Variants in DLGAP1 observed in about 807,000 individuals in gnomAD.
DLGAP1 encodes the protein disks large-associated protein 1.
Under a neutral mutation model 90.8 loss-of-function variants are expected in DLGAP1, and 11 were observed. The ratio of observed to expected loss-of-function variants is 0.12; its 90% CI spans 0.08 to 0.20. The LOEUF is 0.20. Ranked by LOEUF, DLGAP1 falls within the 10% of genes least tolerant of loss-of-function variation. The probability of loss-of-function intolerance (pLI) is 1.00; values close to 1 mark genes in which losing one functional copy is unlikely to be tolerated. For synonymous variants in DLGAP1, 558 were observed against 540.7 expected (o/e 1.03, Z -0.44); for missense variants, 1,050 against 1,333.8 (o/e 0.79, Z 3.31).
intron 1 of DLGAP1, among the ~76,000 whole-genome samples, chr18:4,390,282 CCT>C (rs779827690): frequency 1.3e-5 from 2 of 152,056 alleles, no homozygotes; most frequent in Non-Finnish European, 2.9e-5. Context: ...CCCATGCACC[CCT>C]GTCCCCACAT....
At chr18:4,220,265 C>T (rs1364458723) in intron 1 of DLGAP1, among the ~76,000 whole-genome samples, 1 of 120,160 alleles carries the variant, frequency 8.3e-6, no homozygotes, top group African/African-American at 2.7e-5. Flanking sequence ...TGAACAAAGA[C>T]AGTACATAAA....
intron 5 of DLGAP1, among the ~76,000 whole-genome samples, chr18:3,746,530 G>T (rs1169293255): frequency 6.6e-6 from 1 of 152,200 alleles, no homozygotes; most frequent in South Asian, 2.1e-4. Flanking sequence ...AAGAAAAATA[G>T]TCATTGTGTA....
chr18:3,564,615 TC>T (rs1473263832), intron 9 of DLGAP1, among the ~76,000 whole-genome samples: 1 of 152,186 alleles, frequency 6.6e-6, no homozygotes, highest in East Asian at 1.9e-4. Flanking sequence ...CTGGTAGAGT[TC>T]CTGGAGGTAA....
In DLGAP1 at chr18:3,996,087, T is replaced by G. The variant is rs375138025; in HGVS notation, c.-73+9029A>C. Among the ~76,000 whole-genome samples the G allele has an allele frequency of 1.6e-3, 243 of 152,178 alleles. 2 individuals carry two copies. In the South Asian group the frequency reaches 0.029, roughly 18 times the overall value. On this transcript the variant is annotated intron_variant, in intron 3 of 12. Coordinates refer to ENST00000315677, the MANE Select transcript of DLGAP1 (RefSeq NM_004746.4). ...AAAGTTAGAAACATTTTAAATATATTTATTAATTTGATCTCGAATTTGGGG... is the reference window on the plus strand; with the variant it reads ...AAAGTTAGAAACATTTTAAATATATGTATTAATTTGATCTCGAATTTGGGG...
At chr18:4,177,085 G>C (rs1197321108) in intron 1 of DLGAP1, among the ~76,000 whole-genome samples, 2 of 152,072 alleles carry the variant, frequency 1.3e-5, no homozygotes, top group African/African-American at 4.8e-5. Context: ...ATAGAGGTGG[G>C]TCGAGCTCCT....
chr18:4,253,553 G>A (rs1189609190), intron 1 of DLGAP1, among the ~76,000 whole-genome samples: 1 of 152,074 alleles, frequency 6.6e-6, no homozygotes. Context: ...TGGGATTACA[G>A]ATGCACACCA....
At chr18:3,525,161 AT>A (rs774171541) in intron 10 of DLGAP1, among the ~76,000 whole-genome samples, 32 of 150,862 alleles carry the variant, frequency 2.1e-4, no homozygotes, top group Admixed American at 7.9e-4. Context: ...GCTAATTTTA[AT>A]TTTTTTTTCC....
At chr18:4,030,191 C>T (rs1179880587) in intron 2 of DLGAP1, among the ~76,000 whole-genome samples, 1 of 152,132 alleles carries the variant, frequency 6.6e-6, no homozygotes, top group Admixed American at 6.6e-5. Flanking sequence ...TGGGGTTTCA[C>T]CATGTTGGTC....
intron 7 of DLGAP1, among the ~76,000 whole-genome samples, chr18:3,681,737 T>C (rs796540355): frequency 1.2e-4 from 19 of 152,250 alleles, no homozygotes; most frequent in African/African-American, 4.6e-4. Context: ...GGGGAGTGAT[T>C]TGGTCATGGG....
intron 7 of DLGAP1, among the ~76,000 whole-genome samples, chr18:3,650,292 C>T (rs1398144314): frequency 6.6e-6 from 1 of 152,144 alleles, no homozygotes; most frequent in African/African-American, 2.4e-5. Context: ...GATGCTCCTG[C>T]TTCAGCCTCC....
Position 4,061,013 on chromosome 18 carries a change from C to T in DLGAP1, c.-158-55812G>A, listed in dbSNP as rs533344681. 7.2e-5 allele frequency among the ~76,000 whole-genome samples: 11 copies of T among 152,224 alleles called. 1 individual carries two copies. Among genetic ancestry groups the T allele is most frequent in the African/African-American group, 2.6e-4 (11 of 41,538 alleles). On this transcript the variant is annotated intron_variant, in intron 2 of 12. Coordinates refer to ENST00000315677, the MANE Select transcript of DLGAP1 (RefSeq NM_004746.4). ...TTGCCTTCTTTAAACCTCGGTAAGG[C>T]CTGGGGACATATAAAGCTAGCCATG...
chr18:3,547,420 C>T lies in DLGAP1; in HGVS notation c.2058-12805G>A, dbSNP rs2053121087. 4.1e-5 allele frequency among the ~76,000 whole-genome samples: 6 copies of T among 146,692 alleles called. No homozygotes were observed. The South Asian group carries it at 1.3e-3, about 32-fold the overall frequency. ...AAACACTCAACAACAAAAAGACAAA[C>T]AACCCAATTAAATAACCCAATTAAA... On this transcript the variant is annotated intron_variant, in intron 9 of 12. Coordinates refer to ENST00000315677, the MANE Select transcript of DLGAP1 (RefSeq NM_004746.4).
At chr18:4,138,322 G>A (rs561634709) in intron 2 of DLGAP1, among the ~76,000 whole-genome samples, 5 of 151,516 alleles carry the variant, frequency 3.3e-5, no homozygotes, top group African/African-American at 1.2e-4. Context: ...TTTTTTAATC[G>A]CAAAGTGATG....
At chr18:4,382,618 T>C (rs1220612660) in intron 1 of DLGAP1, among the ~76,000 whole-genome samples, 1 of 152,034 alleles carries the variant, frequency 6.6e-6, no homozygotes, top group Non-Finnish European at 1.5e-5. Flanking sequence ...AAAAAACCTA[T>C]GTTTTGTATA....
chr18:3,824,994 G>T (rs955424350), intron 4 of DLGAP1, among the ~76,000 whole-genome samples: 1 of 152,174 alleles, frequency 6.6e-6, no homozygotes, highest in African/African-American at 2.4e-5. Flanking sequence ...ATACAGGGAA[G>T]TTGCCTCTTG....
chr18:4,212,630 CA>C lies in DLGAP1; in HGVS notation c.-266-61344del, dbSNP rs3041113. Among the ~76,000 whole-genome samples the C allele has an allele frequency of 4.3e-3, 518 of 121,878 alleles. 3 individuals are homozygous for C. Among genetic ancestry groups the C allele is most frequent in the African/African-American group, 0.013 (391 of 30,032 alleles). The allele number at this position is 121,878 out of a possible 152,430, so 80.0% of individuals were successfully genotyped here. A position where few individuals can be genotyped will look rare whatever the true frequency, so the allele number is the denominator to read the frequency against. On this transcript the variant is annotated intron_variant, in intron 1 of 12. Transcript: ENST00000315677. Reference sequence around the variant, plus strand: ...TGGGTGACAGAGGGAGACTCCATCTCAAAAAAAAAAAAAAAAGGATAATAAT... The same window carrying C: ...TGGGTGACAGAGGGAGACTCCATCTCAAAAAAAAAAAAAAAGGATAATAAT...
At position 3,757,557 on chromosome 18, in the gene DLGAP1, A is replaced by T. The variant is rs114655155; in HGVS notation, c.1173-15045T>A. Reference sequence around the variant, plus strand: ...AAGGATTACACATGATGACCAAGTCAGACATACTTCAGGAATGCAAGGTTG... The same window carrying T: ...AAGGATTACACATGATGACCAAGTCTGACATACTTCAGGAATGCAAGGTTG... On this transcript the variant is annotated intron_variant, in intron 5 of 12. Transcript: ENST00000315677. 2.2e-3 allele frequency among the ~76,000 whole-genome samples: 333 copies of T among 152,372 alleles called. 3 individuals are homozygous for T. The highest frequency in any genetic ancestry group is 7.5e-3 in the African/African-American group (312 of 41,592).
intron 4 of DLGAP1, among the ~76,000 whole-genome samples, chr18:3,849,312 C>T (rs990611097): frequency 1.2e-4 from 19 of 152,090 alleles, no homozygotes; most frequent in African/African-American, 4.6e-4. Context: ...TTAGTATCTT[C>T]AAAGAGACTC....
intron 3 of DLGAP1, among the ~76,000 whole-genome samples, chr18:3,952,932 G>A (rs2073017806): frequency 6.6e-6 from 1 of 152,172 alleles, no homozygotes; most frequent in Non-Finnish European, 1.5e-5. Context: ...CTTAACTACT[G>A]AAGGATTCAT....
Sources: allele counts gnomAD v4.1 joint callset (sites outside exome capture counted in the v4.1 genomes callset), GRCh38; gene constraint gnomAD v4.1.1; transcripts MANE v1.5; gene names NCBI Gene and HGNC (gene_info 2026-07-23, HGNC 2026-07-21).